MTF1: variants seen among roughly 807,000 people sequenced by gnomAD.
MTF1 encodes the protein metal regulatory transcription factor 1.
A neutral mutation model predicts 70.4 loss-of-function variants in MTF1; 22 were observed. The ratio of observed to expected loss-of-function variants is 0.31; its 90% CI spans 0.22 to 0.45. The LOEUF (loss-of-function observed/expected upper bound fraction) is 0.45. Ranked by LOEUF, MTF1 falls within the 20% of genes least tolerant of loss-of-function variation. The pLI is 1.00. For missense variants in MTF1, 649 were observed against 922.0 expected, an observed-to-expected ratio of 0.70 and a Z score of 3.83; for synonymous variants, 333 against 352.8, an observed-to-expected ratio of 0.94 and a Z score of 0.63.
chr1:37,826,895 C>G (rs1260523415), intron 7 of MTF1, among the ~76,000 whole-genome samples: 1 of 152,150 alleles, frequency 6.6e-6, no homozygotes, highest in East Asian at 1.9e-4. Context: ...AGGAGAATTA[C>G]TTGAACCTGG....
At chr1:37,839,880 C>G (rs1453480105) in intron 3 of MTF1, 40 bp downstream of exon 3, 1 of 1,523,598 alleles carries the variant, frequency 6.6e-7, no homozygotes, top group East Asian at 2.3e-5. Context: ...ACAACAAGGT[C>G]AAGGTCAGAG....
chr1:37,837,509 A>AT (rs987488478), intron 4 of MTF1, among the ~76,000 whole-genome samples: 6 of 151,114 alleles, frequency 4.0e-5, no homozygotes, highest in African/African-American at 1.5e-4. Flanking sequence ...TTTTTTTTTT[A>AT]TTTTTATTTT....
Position 37,822,316 on chromosome 1 carries a change from A to G in MTF1, c.1572T>C (p.Ser524=), listed in dbSNP as rs1413523720. The change falls in exon 9 of 11, where the codon AGT becomes AGC. Residue 524 remains serine (S), a synonymous_variant. Coordinates refer to ENST00000373036, the MANE Select transcript of MTF1 (RefSeq NM_005955.3). The part of the protein sequence containing the change: ...SAVAAPAPPQ[S]TTEPLPAMVQ... ...CCATGGCTGGCAGGGGCTCAGTAGTACTTTGTGGTGGGGCTGGTGCTGCCA... is the reference window on the plus strand; with the variant it reads ...CCATGGCTGGCAGGGGCTCAGTAGTGCTTTGTGGTGGGGCTGGTGCTGCCA... 3.1e-6 allele frequency: 5 copies of G among 1,613,602 alleles called. No individual in the cohort carries two copies. Among genetic ancestry groups the G allele is most frequent in the Non-Finnish European group, 3.4e-6 (4 of 1,179,772 alleles).
intron 7 of MTF1, among the ~76,000 whole-genome samples, chr1:37,825,115 C>A (rs1018694190): frequency 1.3e-5 from 2 of 152,270 alleles, no homozygotes; most frequent in African/African-American, 4.8e-5. Context: ...ATACGTGAAG[C>A]AAGGGAGGTG....
intron 3 of MTF1, 30 bp downstream of exon 3, chr1:37,839,890 G>C: frequency 6.4e-7 from 1 of 1,559,474 alleles, no homozygotes; most frequent in Non-Finnish European, 8.8e-7. Context: ...CAAGGTCAGA[G>C]GCTGGCAGAG....
At chr1:37,832,388 C>A (rs1641100789) in intron 6 of MTF1, 66 bp from the exon 7 acceptor site, 1 of 1,012,992 alleles carries the variant, frequency 9.9e-7, no homozygotes. Flanking sequence ...TATCATGTAA[C>A]AAAACATTTG....
At chr1:37,836,865 T>C (rs970106606) in intron 4 of MTF1, among the ~76,000 whole-genome samples, 4 of 150,932 alleles carry the variant, frequency 2.7e-5, no homozygotes, top group African/African-American at 9.8e-5. Flanking sequence ...TCAAGAAAAA[T>C]GCAGTTTTAA....
chr1:37,839,197 G>A (rs1192126761), intron 3 of MTF1, among the ~76,000 whole-genome samples: 3 of 152,062 alleles, frequency 2.0e-5, no homozygotes, highest in African/African-American at 7.2e-5. Context: ...TAACATATTA[G>A]TATCCAACAT....
intron 2 of MTF1, among the ~76,000 whole-genome samples, chr1:37,848,485 GA>G (rs1209678000): frequency 1.3e-5 from 2 of 151,992 alleles, no homozygotes. Flanking sequence ...AATATGAGGA[GA>G]AAAAAATAAA....
intron 4 of MTF1, 62 bp from the exon 5 acceptor site, chr1:37,835,806 C>CTTT: frequency 9.5e-6 from 10 of 1,052,642 alleles, no homozygotes; most frequent in Non-Finnish European, 1.1e-5. Context: ...TCCTGAACGT[C>CTTT]TTTTTTTTTT....
At position 37,857,244 on chromosome 1, in the gene MTF1, T is replaced by C; in HGVS notation, c.408+7A>G. On this transcript the variant is annotated splice_region_variant and intron_variant, in intron 2 of 10. Coordinates refer to ENST00000373036, the MANE Select transcript of MTF1 (RefSeq NM_005955.3). The stretch of plus-strand genomic sequence containing the variant: ...CAAACTAGGCCCTCACTGACTGCTT[T>C]ACTTACTTCTTTACGTTTTGTTTCC... 6.2e-7 allele frequency: 1 copy of C among 1,606,650 alleles called. No individual in the cohort carries two copies. Among genetic ancestry groups the C allele is most frequent in the Non-Finnish European group, 8.5e-7 (1 of 1,173,870 alleles).
At chr1:37,837,686 A>G (rs1641190751) in intron 4 of MTF1, among the ~76,000 whole-genome samples, 1 of 151,998 alleles carries the variant, frequency 6.6e-6, no homozygotes, top group South Asian at 2.1e-4. Flanking sequence ...TTGTAGTTTT[A>G]GTAGAGATGT....
chr1:37,820,027 C>T (rs1640887830), intron 9 of MTF1, among the ~76,000 whole-genome samples: 1 of 139,694 alleles, frequency 7.2e-6, no homozygotes, highest in African/African-American at 2.7e-5. Flanking sequence ...AAATGGATGA[C>T]TTGTTTCACT....
At position 37,815,579 on chromosome 1, in the gene MTF1, CAA is replaced by C. The variant is rs1353140593; in HGVS notation, c.1832-15_1832-14del. 2 of 1,518,694 alleles carry C rather than the reference CAA, an allele frequency of 1.3e-6. No individual in the cohort carries two copies. The highest frequency in any genetic ancestry group is 4.5e-5 in the East Asian group (2 of 44,138). The allele number at this position is 1,518,694 out of a possible 1,614,324, so 94.1% of individuals were successfully genotyped here. ...TGGACAGAGCTCCCTGCGAGAGAGGCAAGAGAGACTGCTCTTCAAGTAGCTGC... is the reference window on the plus strand; with the variant it reads ...TGGACAGAGCTCCCTGCGAGAGAGGCGAGAGACTGCTCTTCAAGTAGCTGC... On this transcript the variant is annotated splice_polypyrimidine_tract_variant and intron_variant, in intron 10 of 10. Transcript: ENST00000373036. This position sits in a 1 kb window ranked among gnomAD's most constrained non-coding sequence, Gnocchi z 4.5.
Position 37,838,834 on chromosome 1 carries a change from C to T in MTF1, c.648-78G>A, listed in dbSNP as rs568043894. ...TTTTTTTTTTTCTGAGACAGAGTTT[C>T]GCTCTTGTCGCCCAGGCTGGAGTGC... On this transcript the variant is annotated intron_variant, in intron 3 of 10. Transcript: ENST00000373036. 1.8e-3 allele frequency: 1,532 copies of T among 853,266 alleles called. 72 individuals are homozygous for T. Among genetic ancestry groups the T allele is most frequent in the Non-Finnish European group, 2.0e-3 (1,337 of 662,824 alleles). The allele number at this position is 853,266 out of a possible 1,614,324, so 52.9% of individuals were successfully genotyped here. A position where few individuals can be genotyped will look rare whatever the true frequency, so the allele number is the denominator to read the frequency against.
intron 6 of MTF1, among the ~76,000 whole-genome samples, chr1:37,834,243 C>T (rs763357694): frequency 4.0e-5 from 6 of 151,872 alleles, no homozygotes; most frequent in South Asian, 4.1e-4. Flanking sequence ...AAAATAAAAG[C>T]GAGGTAGATG....
At chr1:37,843,078 G>A (rs1358698748) in intron 2 of MTF1, among the ~76,000 whole-genome samples, 2 of 152,174 alleles carry the variant, frequency 1.3e-5, no homozygotes, top group African/African-American at 4.8e-5. Context: ...GTGCAGTGGT[G>A]TATTCACAGC....
In MTF1 at chr1:37,815,281, T is replaced by C. The variant is rs116355159; in HGVS notation, c.2117A>G (p.Asp706Gly). Residue 706 changes from aspartate to glycine, a missense_variant, in exon 11 of 11, where the codon GAC becomes GGC. By Grantham distance (94) the Asp-to-Gly change is moderately conservative. This residue lies in a region of MTF1 where 138 missense variants were observed against 134.4 expected (regional missense o/e 1.03). Transcript: ENST00000373036. This position sits in a 1 kb window ranked among gnomAD's most constrained non-coding sequence, Gnocchi z 4.5. ...GGCACTTAATGTTTCTGTCTGAGGG[T>C]CTGAAGGAGTCTCTGCTTGTCGGCT... The part of the protein sequence containing the change: ...EQSRQAETPS[D>G]PQTETLSAMD... 2.2e-3 allele frequency: 3,558 copies of C among 1,613,988 alleles called. 8 individuals are homozygous for C. The highest frequency in any genetic ancestry group is 2.7e-3 in the Non-Finnish European group (3,187 of 1,180,030).
chr1:37,847,004 G>A (rs1409183271), intron 2 of MTF1, among the ~76,000 whole-genome samples: 5 of 151,976 alleles, frequency 3.3e-5, no homozygotes, highest in Non-Finnish European at 7.4e-5. Flanking sequence ...CTCTGTGTCC[G>A]ACTCCATTCC....
Sources: allele counts gnomAD v4.1 joint callset (sites outside exome capture counted in the v4.1 genomes callset), GRCh38; gene constraint gnomAD v4.1.1; regional missense constraint gnomAD v4.1.1; non-coding constraint Gnocchi (gnomAD v3.1); transcripts MANE v1.5; gene names NCBI Gene and HGNC (gene_info 2026-07-23, HGNC 2026-07-21).